Variants in SIAE observed in about 807,000 individuals in gnomAD.
SIAE encodes the protein sialate O-acetylesterase.
A neutral mutation model predicts 52.6 loss-of-function variants in SIAE; 39 were observed. The observed-to-expected ratio is 0.74, with a 90% CI of 0.57 to 0.97. The LOEUF (loss-of-function observed/expected upper bound fraction) is 0.97. SIAE is among the 50% of genes least tolerant of loss of function. The pLI is 0.00. For missense variants in SIAE, 592 were observed against 662.1 expected (o/e 0.89, Z 1.16); for synonymous variants, 233 against 241.4 (o/e 0.97, Z 0.32).
chr11:124,664,301 G>A (rs912669745), intron 2 of SIAE, among the ~76,000 whole-genome samples: 4 of 151,322 alleles, frequency 2.6e-5, no homozygotes, highest in Non-Finnish European at 4.4e-5. Flanking sequence ...GCGCGATCTT[G>A]GCTCACTGCA....
At chr11:124,666,601 C>G (rs995293515) in intron 2 of SIAE, among the ~76,000 whole-genome samples, 1 of 152,190 alleles carries the variant, frequency 6.6e-6, no homozygotes, top group African/African-American at 2.4e-5. Flanking sequence ...TCATCAGTAT[C>G]CATGAATCAC....
intron 7 of SIAE, among the ~76,000 whole-genome samples, chr11:124,646,887 C>T (rs1220208047): frequency 3.3e-5 from 5 of 152,188 alleles, no homozygotes; most frequent in Admixed American, 3.3e-4. Context: ...TCAGGCTCTA[C>T]AATCATTACA....
At chr11:124,662,059 C>T (rs565909738) in intron 2 of SIAE, among the ~76,000 whole-genome samples, 8 of 152,314 alleles carry the variant, frequency 5.3e-5, no homozygotes, top group African/African-American at 1.7e-4. Flanking sequence ...CCCAAGACAT[C>T]AGAGGAAGGG....
At chr11:124,643,140 G>A (rs972029462) in intron 7 of SIAE, among the ~76,000 whole-genome samples, 1 of 152,134 alleles carries the variant, frequency 6.6e-6, no homozygotes, top group Admixed American at 6.5e-5. Flanking sequence ...CTCAGCAATA[G>A]AAAACTAAAA....
At chr11:124,655,777 A>G (rs1699040636) in intron 3 of SIAE, among the ~76,000 whole-genome samples, 1 of 152,214 alleles carries the variant, frequency 6.6e-6, no homozygotes, top group Admixed American at 6.5e-5. Context: ...ACAAAATGGC[A>G]TATTTGTTTA....
chr11:124,667,500 A>C (rs1284667747), intron 2 of SIAE, among the ~76,000 whole-genome samples: 3 of 152,246 alleles, frequency 2.0e-5, no homozygotes, highest in Non-Finnish European at 4.4e-5. Flanking sequence ...AAGAGACTGC[A>C]TCAGGGTCTG....
At position 124,654,757 on chromosome 11, in the gene SIAE, C is replaced by G. The variant is rs1335342312; in HGVS notation, c.442G>C (p.Ala148Pro). ...NATRELSNTA[A>P]YQSVRILSVS... ...GAGAGGATGCGGACAGACTGATATG[C>G]CGCAGTGTTAGACAACTCCCTTGTA... Residue 148 changes from alanine (A) to proline (P), a missense_variant, in exon 4 of 10, where the codon GCA (alanine) becomes CCA (proline). Physicochemically the swap from Ala to Pro is conservative, Grantham distance 27. Coordinates refer to ENST00000263593, the MANE Select transcript of SIAE (RefSeq NM_170601.5). 3 of 1,613,928 alleles carry G rather than the reference C, an allele frequency of 1.9e-6. No individual in the cohort carries two copies. Among genetic ancestry groups the G allele is most frequent in the Non-Finnish European group, 2.5e-6 (3 of 1,180,024 alleles).
chr11:124,654,632 A>G, intron 4 of SIAE, 23 bp downstream of exon 4: 2 of 1,614,076 alleles, frequency 1.2e-6, no homozygotes, highest in Non-Finnish European at 1.7e-6. Flanking sequence ...TATAAGAGAC[A>G]GCACGTTCAA....
chr11:124,674,659 AC>A (rs1943435082), upstream of SIAE: 1 of 152,240 alleles, frequency 6.6e-6, no homozygotes, highest in African/African-American at 2.4e-5. Flanking sequence ...CAAAATCATG[AC>A]ACACAGCCCC....
intron 7 of SIAE, 117 bp downstream of exon 7, chr11:124,647,248 T>C (rs564229536): frequency 6.4e-6 from 9 of 1,407,200 alleles, no homozygotes; most frequent in African/African-American, 4.2e-5. Flanking sequence ...AAAAGGAAGA[T>C]GAAATCCAGG....
At chr11:124,654,525 G>C (rs1374037592) in intron 4 of SIAE, 130 bp downstream of exon 4, 2 of 1,593,594 alleles carry the variant, frequency 1.3e-6, no homozygotes, top group Non-Finnish European at 1.7e-6. Flanking sequence ...AGGATGAAGA[G>C]TCAATAAGAA....
Position 124,659,652 on chromosome 11 carries a change from G to C in SIAE, c.405+976C>G, listed in dbSNP as rs1201353872. ...TTATCTCTTTAAAAAAAAAAAAGGG[G>C]GGGGGGGGGCTTCCGTATATATAAA... On this transcript the variant is annotated intron_variant, in intron 3 of 9. Coordinates refer to ENST00000263593, the MANE Select transcript of SIAE (RefSeq NM_170601.5). The C allele has an allele frequency of 7.2e-5, 8 of 110,490 alleles. No homozygotes were observed. In the East Asian group the frequency reaches 1.0e-3, roughly 14 times the overall value. The allele number at this position is 110,490 out of a possible 1,614,324, so 6.8% of individuals were successfully genotyped here. A position where few individuals can be genotyped will look rare whatever the true frequency, so the allele number is the denominator to read the frequency against.
upstream of SIAE, chr11:124,675,569 A>T (rs1943451828): frequency 1.4e-6 from 1 of 734,366 alleles, no homozygotes; most frequent in Non-Finnish European, 2.2e-6. Flanking sequence ...AACAGTATGT[A>T]CCTCTTTGAT....
In SIAE at chr11:124,647,471, T is replaced by A. The variant is rs550541077; in HGVS notation, c.860A>T (p.Asp287Val). The A allele has an allele frequency of 4.6e-4, 744 of 1,614,160 alleles. 14 individuals carry two copies. The South Asian group carries it at 7.8e-3, about 17-fold the overall frequency. Reference protein sequence around the residue: ...QGESNINYNTDLYNCTFPALI... With the variant: ...QGESNINYNTVLYNCTFPALI... ...TGCAGGGAATGTGCAATTGTACAGA[T>A]CCGTGTTATAATTTATATTGGACTC... Residue 287 changes from aspartate to valine, a missense_variant, in exon 7 of 10, where the codon GAT (aspartate) becomes GTT (valine). Transcript: ENST00000263593.
chr11:124,669,061 C>T (rs148785942), intron 2 of SIAE, among the ~76,000 whole-genome samples: 20 of 152,274 alleles, frequency 1.3e-4, no homozygotes, highest in South Asian at 6.2e-4. Flanking sequence ...CCTCTGTACC[C>T]CAAGACACCC....
intron 3 of SIAE, among the ~76,000 whole-genome samples, chr11:124,655,732 G>A (rs892156775): frequency 2.0e-5 from 3 of 152,058 alleles, no homozygotes; most frequent in African/African-American, 7.2e-5. Flanking sequence ...CCAAACCCCA[G>A]CACATCAAAA....
rs148514665 is a variant in SIAE at position 124,664,424 on chromosome 11, C to A, written c.230-3621G>T. Among the ~76,000 whole-genome samples the A allele has an allele frequency of 2.6e-3, 397 of 152,142 alleles. 1 individual carries two copies. Among genetic ancestry groups the A allele is most frequent in the African/African-American group, 9.3e-3 (388 of 41,508 alleles). The stretch of plus-strand genomic sequence containing the variant: ...TTTTCTTTTTGTATTTTAGTAGAGA[C>A]GAGGTTTCACCATGTTGGCCAGGAT... On this transcript the variant is annotated intron_variant, in intron 2 of 9. Coordinates refer to ENST00000263593, the MANE Select transcript of SIAE (RefSeq NM_170601.5).
intron 4 of SIAE, among the ~76,000 whole-genome samples, chr11:124,653,681 G>A (rs970698170): frequency 1.3e-5 from 2 of 152,242 alleles, no homozygotes; most frequent in African/African-American, 4.8e-5. Flanking sequence ...AATGAAAACA[G>A]AAGACGTTCT....
chr11:124,660,440 C>T (rs1374472783), intron 3 of SIAE, 188 bp downstream of exon 3: 1 of 687,656 alleles, frequency 1.5e-6, no homozygotes, highest in Non-Finnish European at 2.6e-6. Flanking sequence ...CCAATTTAAT[C>T]AATAGCTTAT....
Sources: gnomAD v4.1 joint callset for allele counts (sites outside exome capture counted in the v4.1 genomes callset) on GRCh38, gnomAD v4.1.1 for gene constraint, MANE v1.5 for transcripts, NCBI Gene and HGNC (gene_info 2026-07-23, HGNC 2026-07-21) for gene names.